GLRA2: variants seen among roughly 807,000 people sequenced by gnomAD.
The protein encoded by GLRA2 is glycine receptor subunit alpha-2.
In GLRA2, 11 loss-of-function variants were observed where a neutral mutation model predicts 31.6. The observed-to-expected ratio is 0.35, with a 90% confidence interval of 0.22 to 0.58. The LOEUF is 0.58. Among genes scored for constraint, GLRA2 ranks in the 20% least tolerant of loss-of-function variants. GLRA2 has a pLI of 0.84. For synonymous variants in GLRA2, 132 were observed against 134.0 expected (o/e 0.99, Z 0.10); for missense variants, 212 against 351.8 (o/e 0.60, Z 3.18).
chrX:14,499,256 A>T, the GLRA2 span, among the ~76,000 whole-genome samples: 1 of 111,907 alleles, frequency 8.9e-6, no homozygotes, highest in African/African-American at 3.2e-5. Flanking sequence ...CTTTGTCCAC[A>T]TTCTCACCAG....
intron 7 of GLRA2, among the ~76,000 whole-genome samples, chrX:14,620,159 T>C (rs2090499667): frequency 9.1e-6 from 1 of 110,379 alleles, no homozygotes. Flanking sequence ...CAGAGTAATC[T>C]AATCAAAGAT....
At chrX:14,489,209 T>A in the GLRA2 span, among the ~76,000 whole-genome samples, 1 of 112,118 alleles carries the variant, frequency 8.9e-6, no homozygotes, top group African/African-American at 3.2e-5. Context: ...TTTGTCCTAG[T>A]ACAAATATGT....
the GLRA2 span, among the ~76,000 whole-genome samples, chrX:14,469,084 G>T: frequency 2.2e-4 from 24 of 111,565 alleles, no homozygotes; most frequent in African/African-American, 7.8e-4. Flanking sequence ...CACATGAGTA[G>T]GTTGCGAAGA....
the GLRA2 span, among the ~76,000 whole-genome samples, chrX:14,487,415 A>T: frequency 5.9e-5 from 6 of 102,284 alleles, no homozygotes; most frequent in African/African-American, 2.2e-4. Context: ...AAAAAAAAAA[A>T]GGTTTCCAAA....
At chrX:14,491,662 G>A in the GLRA2 span, among the ~76,000 whole-genome samples, 3 of 111,483 alleles carry the variant, frequency 2.7e-5, no homozygotes, top group Non-Finnish European at 5.6e-5. Context: ...AAGCTCCCAG[G>A]TGATGTGATG....
intron 8 of GLRA2, among the ~76,000 whole-genome samples, chrX:14,694,722 G>A (rs751130925): frequency 8.9e-6 from 1 of 112,666 alleles, no homozygotes; most frequent in African/African-American, 3.2e-5. Context: ...GCCAGGCACT[G>A]TGTAAATCCT....
chrX:14,729,146 T>C (rs1336661060), intron 8 of GLRA2, among the ~76,000 whole-genome samples: 1 of 112,270 alleles, frequency 8.9e-6, no homozygotes, highest in African/African-American at 3.2e-5. Context: ...TCAGTAAGCA[T>C]TAATGAAATA....
chrX:14,721,600 C>T (rs2091865974), intron 8 of GLRA2, among the ~76,000 whole-genome samples: 1 of 111,481 alleles, frequency 9.0e-6, no homozygotes, highest in African/African-American at 3.3e-5. Flanking sequence ...AAGAGCTTAT[C>T]AGGTACTGCT....
chrX:14,613,734 T>TG (rs1569509904), intron 7 of GLRA2, among the ~76,000 whole-genome samples: 1 of 110,471 alleles, frequency 9.1e-6, no homozygotes, highest in Admixed American at 9.7e-5. Context: ...CACGTGTGTG[T>TG]TTTTTTTACA....
chrX:14,610,019 G>A (rs2090381349), intron 7 of GLRA2, among the ~76,000 whole-genome samples: 1 of 112,036 alleles, frequency 8.9e-6, no homozygotes. Context: ...AAATGCTCTA[G>A]CACCCCAGAA....
At chrX:14,713,115 A>G (rs188353669) in intron 8 of GLRA2, among the ~76,000 whole-genome samples, 1 of 112,119 alleles carries the variant, frequency 8.9e-6, no homozygotes, top group Non-Finnish European at 1.9e-5. Flanking sequence ...GAAGCACGAT[A>G]AAGATCTAGA....
chrX:14,506,492 C>T, the GLRA2 span, among the ~76,000 whole-genome samples: 16 of 111,751 alleles, frequency 1.4e-4, no homozygotes, highest in Non-Finnish European at 2.1e-4. Context: ...TTAGTGTTTA[C>T]GTCCCCTGTT....
At chrX:14,633,532 A>G (rs1196127399) in intron 7 of GLRA2, among the ~76,000 whole-genome samples, 1 of 112,155 alleles carries the variant, frequency 8.9e-6, no homozygotes, top group Admixed American at 9.4e-5. Flanking sequence ...TGAATGATTT[A>G]AGAGAGGCAG....
intron 2 of GLRA2, among the ~76,000 whole-genome samples, chrX:14,569,539 A>G (rs2089855524): frequency 8.9e-6 from 1 of 111,872 alleles, no homozygotes; most frequent in Non-Finnish European, 1.9e-5. Flanking sequence ...CATTAGGGGA[A>G]TGTAAATCAA....
chrX:14,493,589 A>G, the GLRA2 span, among the ~76,000 whole-genome samples: 1 of 102,785 alleles, frequency 9.7e-6, no homozygotes, highest in Non-Finnish European at 1.9e-5. Flanking sequence ...ATATATACAC[A>G]TATATACATA....
chrX:14,600,707 C>G (rs1291484257), intron 4 of GLRA2, among the ~76,000 whole-genome samples: 1 of 110,422 alleles, frequency 9.1e-6, no homozygotes, highest in African/African-American at 3.3e-5. Context: ...AATTTACTCT[C>G]TTAGCAATTC....
chrX:14,683,727 G>C (rs2091243412), intron 7 of GLRA2, among the ~76,000 whole-genome samples: 1 of 110,788 alleles, frequency 9.0e-6, no homozygotes, highest in African/African-American at 3.3e-5. Flanking sequence ...TTTTGTATAA[G>C]GTGTAAGGAA....
rs970266135 is a variant in GLRA2, at chrX:14,731,641, G to A, written c.*1156G>A. ...GTTGCCTTTTTGGTACCAGAGCTACGTGGTTTGAATTCTGGCTACATGTTT... is the reference window on the plus strand; with the variant it reads ...GTTGCCTTTTTGGTACCAGAGCTACATGGTTTGAATTCTGGCTACATGTTT... On this transcript the variant is annotated 3_prime_UTR_variant, in exon 9 of 9. Transcript: ENST00000218075. 3.6e-5 allele frequency: 4 copies of A among 111,247 alleles called. No individual in the cohort carries two copies. The highest frequency in any genetic ancestry group is 3.3e-5 in the African/African-American group (1 of 30,461). 9.2% of individuals were successfully genotyped at this position (111,247 alleles called of 1,213,427 possible).
At position 14,712,052 on chromosome X, in the gene GLRA2, A is replaced by C. The variant is rs1229714275; in HGVS notation, c.1081-18155A>C. Among the ~76,000 whole-genome samples, 4 of 112,889 alleles carry C rather than the reference A, an allele frequency of 3.5e-5. No homozygotes were observed. In the Admixed American group the frequency reaches 3.7e-4, roughly 11 times the overall value. On this transcript the variant is annotated intron_variant, in intron 8 of 8. Coordinates refer to ENST00000218075, the MANE Select transcript of GLRA2 (RefSeq NM_002063.4). The stretch of plus-strand genomic sequence containing the variant: ...ATTTTGTCATGTTATTATAGAAAAA[A>C]ATGCCATCTAGCTTTCCTTCAATTG...
Sources: gnomAD v4.1 joint callset for allele counts (sites outside exome capture counted in the v4.1 genomes callset) on GRCh38, gnomAD v4.1.1 for gene constraint, MANE v1.5 for transcripts, NCBI Gene and HGNC (gene_info 2026-07-23, HGNC 2026-07-21) for gene names.